Variants in SNTG2 observed in about 807,000 individuals in gnomAD.
SNTG2 encodes the protein gamma-2-syntrophin.
Under a neutral mutation model 70.9 loss-of-function variants are expected in SNTG2, and 74 were observed. The ratio of observed to expected loss-of-function variants is 1.04; its 90% CI spans 0.86 to 1.27. SNTG2 has a LOEUF of 1.27. Among genes scored for constraint, SNTG2 ranks in the 50% most tolerant of loss-of-function variants. The pLI is 0.00. For synonymous variants in SNTG2, 278 were observed against 273.8 expected, an observed-to-expected ratio of 1.02 and a Z score of -0.15; for missense variants, 717 against 690.7, an observed-to-expected ratio of 1.04 and a Z score of -0.43.
chr2:1,355,715 G>A (rs1285981750), intron 16 of SNTG2, among the ~76,000 whole-genome samples: 1 of 152,142 alleles, frequency 6.6e-6, no homozygotes, highest in African/African-American at 2.4e-5. Flanking sequence ...AGAAGGGATT[G>A]CTAAGTCATC....
At position 1,256,188 on chromosome 2, in the gene SNTG2, G is replaced by A. The variant is rs182661182; in HGVS notation, c.1006-3182G>A. On this transcript the variant is annotated intron_variant, in intron 12 of 16. Transcript: ENST00000308624. Reference sequence around the variant, plus strand: ...TCCTCTAGTTGATCTGCAAGGCCAGGATCAAGTTCCATCGACCGGGTTTCT... The same window carrying A: ...TCCTCTAGTTGATCTGCAAGGCCAGAATCAAGTTCCATCGACCGGGTTTCT... Among the ~76,000 whole-genome samples the A allele has an allele frequency of 1.0e-3, 158 of 151,948 alleles. 1 individual carries two copies. Among genetic ancestry groups the A allele is most frequent in the Non-Finnish European group, 3.8e-4 (26 of 68,004 alleles).
chr2:1,255,839 T>TATAA (rs1304062514), intron 12 of SNTG2, among the ~76,000 whole-genome samples: 1 of 41,014 alleles, frequency 2.4e-5, no homozygotes, highest in Non-Finnish European at 3.9e-5. Context: ...TATAAATATA[T>TATAA]ATAAATATAT....
chr2:1,181,013 A>T (rs912599019), intron 8 of SNTG2, among the ~76,000 whole-genome samples: 2 of 152,184 alleles, frequency 1.3e-5, no homozygotes, highest in African/African-American at 2.4e-5. Context: ...TGGGAATTGA[A>T]CAATGAGAAC....
intron 1 of SNTG2, among the ~76,000 whole-genome samples, chr2:974,715 G>C (rs769759523): frequency 6.6e-6 from 1 of 152,108 alleles, no homozygotes; most frequent in Non-Finnish European, 1.5e-5. Flanking sequence ...TCTGCCAATC[G>C]TGAAGTCTTT....
chr2:1,051,093 A>G (rs561281995), intron 1 of SNTG2, among the ~76,000 whole-genome samples: 3 of 152,032 alleles, frequency 2.0e-5, no homozygotes, highest in Admixed American at 6.5e-5. Context: ...GCTCAATAAT[A>G]TCATCTATGA....
intron 4 of SNTG2, among the ~76,000 whole-genome samples, chr2:1,111,607 A>G (rs901238888): frequency 7.9e-5 from 12 of 152,228 alleles, no homozygotes; most frequent in Admixed American, 7.9e-4. Flanking sequence ...TGTAAGATGA[A>G]AAATACTTTT....
chr2:1,194,022 A>C (rs1672755152), intron 8 of SNTG2, among the ~76,000 whole-genome samples: 1 of 152,272 alleles, frequency 6.6e-6, no homozygotes, highest in Non-Finnish European at 1.5e-5. Flanking sequence ...CAGAGTGGGC[A>C]GATGAGGTAT....
At chr2:1,347,972 C>G (rs1660382163) in intron 16 of SNTG2, among the ~76,000 whole-genome samples, 1 of 145,934 alleles carries the variant, frequency 6.9e-6, no homozygotes, top group African/African-American at 2.5e-5. Context: ...GAAACTGCCT[C>G]TTTTTTTTTT....
intron 14 of SNTG2, among the ~76,000 whole-genome samples, chr2:1,275,589 A>G (rs995236423): frequency 7.2e-5 from 11 of 152,236 alleles, no homozygotes; most frequent in African/African-American, 2.7e-4. Flanking sequence ...TCCACTGACC[A>G]GTCGTTTTCT....
intron 8 of SNTG2, among the ~76,000 whole-genome samples, chr2:1,178,057 G>T (rs1217074281): frequency 6.6e-6 from 1 of 152,088 alleles, no homozygotes; most frequent in East Asian, 1.9e-4. Flanking sequence ...ATACATAGAT[G>T]AAAATTTTTT....
In SNTG2 at chr2:1,164,845, A is replaced by G. The variant is rs576882357; in HGVS notation, c.412-703A>G. On this transcript the variant is annotated intron_variant, in intron 6 of 16. Transcript: ENST00000308624. ...GGGCTATACCTGGCCTCGGAGGAGG[A>G]GGATACAGCAGAGGAGGGTTATGCA... is the stretch of plus-strand genomic sequence containing the variant. 1.9e-4 allele frequency among the ~76,000 whole-genome samples: 29 copies of G among 152,290 alleles called. No individual in the cohort carries two copies. The South Asian group carries it at 3.9e-3, about 21-fold the overall frequency.
chr2:1,232,433 G>A (rs1282940320), intron 9 of SNTG2, among the ~76,000 whole-genome samples: 1 of 152,064 alleles, frequency 6.6e-6, no homozygotes, highest in East Asian at 1.9e-4. Context: ...CCAAGCAGCT[G>A]GGACTACAGG....
chr2:1,243,506 C>G (rs1677184099), intron 11 of SNTG2, among the ~76,000 whole-genome samples: 1 of 152,170 alleles, frequency 6.6e-6, no homozygotes, highest in Admixed American at 6.6e-5. Flanking sequence ...AAAAGAATCC[C>G]AAGTTCTCTA....
chr2:966,303 A>AT (rs527458718), intron 1 of SNTG2, among the ~76,000 whole-genome samples: 14 of 151,248 alleles, frequency 9.3e-5, no homozygotes, highest in East Asian at 1.9e-4. Context: ...CTTATTTTAC[A>AT]TTTTTTTTTA....
At chr2:1,178,262 A>T (rs923252078) in intron 8 of SNTG2, among the ~76,000 whole-genome samples, 2 of 152,168 alleles carry the variant, frequency 1.3e-5, no homozygotes, top group African/African-American at 4.8e-5. Context: ...GGACAATTTG[A>T]CTTCCTCTTT....
intron 1 of SNTG2, among the ~76,000 whole-genome samples, chr2:978,930 T>C (rs1185366789): frequency 6.6e-6 from 1 of 152,258 alleles, no homozygotes; most frequent in African/African-American, 2.4e-5. Flanking sequence ...GTCAGATTGC[T>C]GAATATTATG....
At chr2:1,199,347 G>T (rs572267726) in intron 8 of SNTG2, among the ~76,000 whole-genome samples, 1 of 151,868 alleles carries the variant, frequency 6.6e-6, no homozygotes, top group African/African-American at 2.4e-5. Flanking sequence ...TATGATAAAA[G>T]TACTCAAATT....
chr2:1,089,765 GAC>G (rs1664903418), intron 2 of SNTG2, among the ~76,000 whole-genome samples: 1 of 152,218 alleles, frequency 6.6e-6, no homozygotes, highest in African/African-American at 2.4e-5. Flanking sequence ...TAACAGCAAA[GAC>G]AGTTGCATAA....
At chr2:1,296,675 C>T (rs1222272296) in intron 14 of SNTG2, among the ~76,000 whole-genome samples, 1 of 152,230 alleles carries the variant, frequency 6.6e-6, no homozygotes, top group African/African-American at 2.4e-5. Flanking sequence ...TGCTTTCCTC[C>T]CTGGAATGAC....
Sources: allele counts gnomAD v4.1 joint callset (sites outside exome capture counted in the v4.1 genomes callset), GRCh38; gene constraint gnomAD v4.1.1; transcripts MANE v1.5; gene names NCBI Gene and HGNC (gene_info 2026-07-23, HGNC 2026-07-21).